Variants in PCDHA11 observed in about 807,000 individuals in gnomAD.
PCDHA11 encodes protocadherin alpha 11.
A neutral mutation model predicts 70.3 loss-of-function variants in PCDHA11; 61 were observed. The ratio of observed to expected loss-of-function variants is 0.87; its 90% CI spans 0.71 to 1.07. PCDHA11 has a LOEUF of 1.07. Ranked by LOEUF, PCDHA11 falls within the 50% of genes least tolerant of loss-of-function variation. The pLI is 0.00. For synonymous variants in PCDHA11, 633 were observed against 555.1 expected, an observed-to-expected ratio of 1.14 and a Z score of -1.97; for missense variants, 1,324 against 1,237.5, an observed-to-expected ratio of 1.07 and a Z score of -1.05.
chr5:140,869,684 T>G lies in PCDHA11; in HGVS notation c.581T>G (p.Leu194Arg). Residue 194 changes from leucine to arginine, a missense_variant, in exon 1 of 4, where the codon CTT (leucine) becomes CGT (arginine). Physicochemically the swap from Leu to Arg is moderately radical, Grantham distance 102. Transcript: ENST00000398640. Reference sequence around the variant, plus strand: ...GGTAAGCAGATTAAAAGACTGTCACTTATTTTAAAGAAGTCTCTGGATAGA... The same window carrying G: ...GGTAAGCAGATTAAAAGACTGTCACGTATTTTAAAGAAGTCTCTGGATAGA... ...TNGKQIKRLS[L>R]ILKKSLDREK... 6.2e-7 allele frequency: 1 copy of G among 1,613,486 alleles called. No homozygotes were observed. The highest frequency in any genetic ancestry group is 8.5e-7 in the Non-Finnish European group (1 of 1,179,876).
At chr5:141,005,822 C>T (rs1248291613) in intron 3 of PCDHA11, among the ~76,000 whole-genome samples, 2 of 151,298 alleles carry the variant, frequency 1.3e-5, no homozygotes, top group Non-Finnish European at 2.9e-5. Context: ...GTATGGTGGC[C>T]TGTAGTCCCA....
intron 1 of PCDHA11, among the ~76,000 whole-genome samples, chr5:140,900,209 G>A (rs918328130): frequency 6.6e-6 from 1 of 152,146 alleles, no homozygotes; most frequent in Non-Finnish European, 1.5e-5. Context: ...GTTTCATCCA[G>A]GTTGTTGCAA....
intron 1 of PCDHA11, chr5:140,929,269 A>G (rs138062218): frequency 3.0e-5 from 49 of 1,611,106 alleles, no homozygotes; most frequent in African/African-American, 5.3e-5. Context: ...GAATTTGCCA[A>G]TATCCTGTAT....
rs574855184 is a variant in PCDHA11 at position 140,890,340 on chromosome 5, G to C, written c.2391+18846G>C. ...TTTAAGATATTAGGTAGTTGGGATG[G>C]TTTACTATATAGCAATGGATAACCT... On this transcript the variant is annotated intron_variant, in intron 1 of 3. Coordinates refer to ENST00000398640, the MANE Select transcript of PCDHA11 (RefSeq NM_018902.5). 9.1e-4 allele frequency among the ~76,000 whole-genome samples: 139 copies of C among 152,222 alleles called. 2 individuals are homozygous for C. The Middle Eastern group carries it at 0.017, about 19-fold the overall frequency.
rs1554204607 is a variant in PCDHA11 at position 140,927,485 on chromosome 5, C to G, written c.2392-51464C>G. On this transcript the variant is annotated intron_variant, in intron 1 of 3. Transcript: ENST00000398640. ...GCACTGGATCGCGAACAGCGCGCCA[C>G]CCACCTGCTGGTGCTTACAGCTCGG... is the stretch of plus-strand genomic sequence containing the variant. The G allele has an allele frequency of 2.5e-6, 4 of 1,614,098 alleles. No individual in the cohort carries two copies. In the Admixed American group the frequency reaches 6.7e-5, roughly 27 times the overall value.
At chr5:140,967,143 A>G in intron 1 of PCDHA11, 1 of 1,611,272 alleles carries the variant, frequency 6.2e-7, no homozygotes, top group South Asian at 1.1e-5. Flanking sequence ...GTGCTGGCGC[A>G]CAACCCCGTG....
Position 140,869,654 on chromosome 5 carries a change from C to T in PCDHA11, c.551C>T (p.Thr184Ile). Residue 184 changes from threonine to isoleucine, a missense_variant, in exon 1 of 4, where the codon ACA (threonine) becomes ATA (isoleucine). Thr to Ile is a moderately conservative substitution (Grantham distance 89). Coordinates refer to ENST00000398640, the MANE Select transcript of PCDHA11 (RefSeq NM_018902.5). ...KNEYFSLDSP[T>I]NGKQIKRLSL... ...GAGTATTTTTCTTTAGATTCACCAA[C>T]AAATGGTAAGCAGATTAAAAGACTG... The T allele has an allele frequency of 6.2e-7, 1 of 1,613,446 alleles. No homozygotes were observed. Among genetic ancestry groups the T allele is most frequent in the Non-Finnish European group, 8.5e-7 (1 of 1,179,840 alleles).
intron 1 of PCDHA11, chr5:140,877,802 A>C: frequency 6.2e-7 from 1 of 1,613,434 alleles, no homozygotes; most frequent in Non-Finnish European, 8.5e-7. Flanking sequence ...CCAAGCCTTC[A>C]GCTGTCTCGA....
At chr5:140,919,222 C>G (rs1367427149) in intron 1 of PCDHA11, among the ~76,000 whole-genome samples, 3 of 152,144 alleles carry the variant, frequency 2.0e-5, no homozygotes, top group African/African-American at 7.2e-5. Flanking sequence ...TTCTTGATTT[C>G]TAGTAACACT....
chr5:140,927,495 G>C (rs111935715), intron 1 of PCDHA11: 2 of 1,614,128 alleles, frequency 1.2e-6, no homozygotes, highest in African/African-American at 1.3e-5. Context: ...CCCACCTGCT[G>C]GTGCTTACAG....
chr5:140,871,360 AG>A lies in PCDHA11; in HGVS notation c.2259del (p.Arg753SerfsTer25). 1 of 1,614,180 alleles carries A rather than the reference AG, an allele frequency of 6.2e-7. No individual in the cohort carries two copies. The highest frequency in any genetic ancestry group is 2.2e-5 in the East Asian group (1 of 44,878). ...GGGGAGCTGGTCATACTCGCAGCAG[AG>A]GCGGCAGAGGGTGTGCTCTGAGGAG... Reference protein sequence around the residue: ...AVGSWSYSQQRRQRVCSEEGP... With the variant: ...AVGSWSYSQQXRQRVCSEEGP... On this transcript the variant is annotated frameshift_variant, in exon 1 of 4. Transcript: ENST00000398640. LOFTEE classifies it high-confidence loss of function.
chr5:140,986,753 A>C (rs2097211895), intron 3 of PCDHA11, among the ~76,000 whole-genome samples: 1 of 152,236 alleles, frequency 6.6e-6, no homozygotes, highest in Non-Finnish European at 1.5e-5. Flanking sequence ...CTGGGACTAA[A>C]CAGTGAAAGA....
At chr5:140,879,201 G>A (rs2057895897) in intron 1 of PCDHA11, among the ~76,000 whole-genome samples, 1 of 152,164 alleles carries the variant, frequency 6.6e-6, no homozygotes, top group Non-Finnish European at 1.5e-5. Context: ...TTAAATTATG[G>A]CAGTAGAAAT....
At chr5:140,931,675 A>G (rs2087672558) in intron 1 of PCDHA11, among the ~76,000 whole-genome samples, 1 of 151,968 alleles carries the variant, frequency 6.6e-6, no homozygotes, top group Admixed American at 6.5e-5. Context: ...TTCCTTATAA[A>G]TAAATGAATT....
chr5:140,966,516 G>A (rs967570115), intron 1 of PCDHA11: 27 of 436,614 alleles, frequency 6.2e-5, no homozygotes, highest in Admixed American at 4.4e-4. Flanking sequence ...GCAGCAGCAG[G>A]AAGCCGAGCC....
At chr5:140,884,148 A>G in intron 1 of PCDHA11, 3 of 1,613,432 alleles carry the variant, frequency 1.9e-6, no homozygotes, top group Non-Finnish European at 2.5e-6. Context: ...GTGGGGCTGT[A>G]CACTGGCGAG....
At chr5:140,993,460 T>TCCCACACA (rs1554253699) in intron 3 of PCDHA11, among the ~76,000 whole-genome samples, 2 of 104,506 alleles carry the variant, frequency 1.9e-5, no homozygotes, top group African/African-American at 7.8e-5. Flanking sequence ...CTTCTTTCTT[T>TCCCACACA]CTCACACACA....
chr5:140,919,954 T>G (rs1159524037), intron 1 of PCDHA11, among the ~76,000 whole-genome samples: 2 of 149,936 alleles, frequency 1.3e-5, no homozygotes, highest in East Asian at 4.0e-4. Context: ...AAAAGTTTGT[T>G]TTGTTTTTTA....
intron 1 of PCDHA11, among the ~76,000 whole-genome samples, chr5:140,945,356 G>A (rs1294877669): frequency 1.1e-4 from 16 of 151,976 alleles, no homozygotes; most frequent in Non-Finnish European, 1.9e-4. Flanking sequence ...AATTAATACT[G>A]TTTAAAATGT....
Sources: gnomAD v4.1 joint callset for allele counts (sites outside exome capture counted in the v4.1 genomes callset) on GRCh38, gnomAD v4.1.1 for gene constraint, MANE v1.5 for transcripts, NCBI Gene and HGNC (gene_info 2026-07-23, HGNC 2026-07-21) for gene names.